The following ATP8A2 variants were observed in gnomAD, a reference collection of about 807,000 sequenced individuals.
ATP8A2 encodes ATPase phospholipid transporting 8A2.
ATP8A2 carries 100 observed loss-of-function variants against 165.6 expected under a neutral mutation model. The ratio of observed to expected loss-of-function variants is 0.60; its 90% CI spans 0.51 to 0.71. The LOEUF (loss-of-function observed/expected upper bound fraction) is 0.71, where lower values mean the gene tolerates loss of function less well. ATP8A2 is among the 30% of genes least tolerant of loss of function. The pLI is 0.00. For missense variants in ATP8A2, 1,227 were observed against 1,479.5 expected (o/e 0.83, Z 2.80); for synonymous variants, 543 against 548.8 (o/e 0.99, Z 0.15).
At chr13:25,645,011 T>A (rs573931893) in intron 24 of ATP8A2, among the ~76,000 whole-genome samples, 3 of 152,250 alleles carry the variant, frequency 2.0e-5, no homozygotes, top group African/African-American at 7.2e-5. Context: ...CAACTCTTAG[T>A]TTTGTTGATC....
chr13:25,773,326 C>A (rs1352252780), intron 26 of ATP8A2, among the ~76,000 whole-genome samples: 1 of 152,142 alleles, frequency 6.6e-6, no homozygotes, highest in Non-Finnish European at 1.5e-5. Flanking sequence ...TTGCAGCTAA[C>A]GGCACATTTA....
At chr13:25,802,683 A>G (rs1441590747) in intron 27 of ATP8A2, among the ~76,000 whole-genome samples, 1 of 152,186 alleles carries the variant, frequency 6.6e-6, no homozygotes, top group Non-Finnish European at 1.5e-5. Flanking sequence ...GCAATAGATA[A>G]GTCTGAAAAT....
At position 25,634,670 on chromosome 13, in the gene ATP8A2, A is replaced by G. The variant is rs11838393; in HGVS notation, c.2211+44971A>G. ...CCATGTATCTTAGTTTGTCTCTGCC[A>G]TTGTCTCATGCAGTTGTGTTTTGTT... On this transcript the variant is annotated intron_variant, in intron 24 of 36. Transcript: ENST00000381655. 4.5e-3 allele frequency among the ~76,000 whole-genome samples: 679 copies of G among 152,258 alleles called. 1 individual carries two copies. The highest frequency in any genetic ancestry group is 0.015 in the African/African-American group (618 of 41,570).
intron 5 of ATP8A2, 28 bp from the exon 6 acceptor site, chr13:25,533,245 A>T (rs1227581904): frequency 7.9e-7 from 1 of 1,270,604 alleles, no homozygotes; most frequent in East Asian, 2.3e-5. Context: ...ACCAGTATTA[A>T]CCAATATTTT....
At chr13:25,760,522 C>CT (rs2044360437) in intron 25 of ATP8A2, among the ~76,000 whole-genome samples, 1 of 152,088 alleles carries the variant, frequency 6.6e-6, no homozygotes. Context: ...GTGCAGTACA[C>CT]TTTAAGACAC....
intron 23 of ATP8A2, among the ~76,000 whole-genome samples, chr13:25,588,303 C>A (rs1045612756): frequency 2.8e-4 from 42 of 152,242 alleles, no homozygotes; most frequent in African/African-American, 9.6e-4. Context: ...TTCATTCCCC[C>A]AAAAACCCAC....
At chr13:25,496,398 A>G (rs2036680049) in intron 2 of ATP8A2, among the ~76,000 whole-genome samples, 1 of 152,114 alleles carries the variant, frequency 6.6e-6, no homozygotes, top group Admixed American at 6.5e-5. Context: ...TGAAATCTAC[A>G]TTGAAGAGGA....
chr13:25,763,562 C>G (rs1165723364), intron 25 of ATP8A2, among the ~76,000 whole-genome samples: 1 of 152,140 alleles, frequency 6.6e-6, no homozygotes, highest in Non-Finnish European at 1.5e-5. Context: ...GAATGCACCC[C>G]CATTCCTGCC....
intron 28 of ATP8A2, among the ~76,000 whole-genome samples, chr13:25,831,275 T>G (rs1951462400): frequency 6.8e-6 from 1 of 146,678 alleles, no homozygotes; most frequent in African/African-American, 2.5e-5. Context: ...AGTGCAGTGG[T>G]GCAATCTCAG....
intron 24 of ATP8A2, among the ~76,000 whole-genome samples, chr13:25,654,963 C>T (rs1326076842): frequency 6.6e-6 from 1 of 152,104 alleles, no homozygotes; most frequent in Non-Finnish European, 1.5e-5. Flanking sequence ...GTTAACTGCC[C>T]AGTGTACCGA....
chr13:25,593,164 T>G (rs970512584), intron 24 of ATP8A2, among the ~76,000 whole-genome samples: 1 of 152,166 alleles, frequency 6.6e-6, no homozygotes, highest in Non-Finnish European at 1.5e-5. Flanking sequence ...AAAGTAGATA[T>G]ACAGTAGAGC....
At chr13:25,759,390 G>C (rs2044333314) in intron 25 of ATP8A2, among the ~76,000 whole-genome samples, 1 of 152,136 alleles carries the variant, frequency 6.6e-6, no homozygotes, top group African/African-American at 2.4e-5. Context: ...TCACAAGTTT[G>C]CTCTGAAATG....
chr13:25,476,478 C>T (rs1046592118), intron 2 of ATP8A2, among the ~76,000 whole-genome samples: 1 of 152,012 alleles, frequency 6.6e-6, no homozygotes, highest in Non-Finnish European at 1.5e-5. Flanking sequence ...TGGTAGAGAA[C>T]GGGGTTTCAC....
chr13:25,847,731 G>A (rs997097932), intron 30 of ATP8A2, among the ~76,000 whole-genome samples: 29 of 152,138 alleles, frequency 1.9e-4, no homozygotes, highest in Non-Finnish European at 3.5e-4. Context: ...TATTCCTGAT[G>A]CACTGGCATT....
At chr13:25,985,794 T>A (rs1956270936) in intron 35 of ATP8A2, among the ~76,000 whole-genome samples, 1 of 152,142 alleles carries the variant, frequency 6.6e-6, no homozygotes, top group Non-Finnish European at 1.5e-5. Flanking sequence ...CCTGAGCCAA[T>A]CCCTACAGTC....
chr13:25,423,085 C>T (rs2034346204), intron 1 of ATP8A2, among the ~76,000 whole-genome samples: 1 of 152,178 alleles, frequency 6.6e-6, no homozygotes, highest in Admixed American at 6.5e-5. Flanking sequence ...GCTCCACCCC[C>T]ACCGTGGCAT....
At position 25,411,956 on chromosome 13, in the gene ATP8A2, A is replaced by T. The variant is rs186387638; in HGVS notation, c.76+39668A>T. Among the ~76,000 whole-genome samples the T allele has an allele frequency of 2.6e-3, 397 of 152,344 alleles. 2 individuals carry two copies. Among genetic ancestry groups the T allele is most frequent in the African/African-American group, 9.0e-3 (374 of 41,582 alleles). ...TTCTCCTCCTAAAACTATCTAAATA[A>T]AAATGCAGTTTTTGTCTTCCTGTAA... On this transcript the variant is annotated intron_variant, in intron 1 of 36. Coordinates refer to ENST00000381655, the MANE Select transcript of ATP8A2 (RefSeq NM_016529.6).
Position 25,657,670 on chromosome 13 carries a change from AAC to A in ATP8A2, c.2212-41497_2212-41496del, listed in dbSNP as rs149861812. Among the ~76,000 whole-genome samples, 1,334 of 152,364 alleles carry A rather than the reference AAC, an allele frequency of 8.8e-3. 19 individuals are homozygous for A. The highest frequency in any genetic ancestry group is 0.029 in the African/African-American group (1,214 of 41,594). On this transcript the variant is annotated intron_variant, in intron 24 of 36. Transcript: ENST00000381655. The stretch of plus-strand genomic sequence containing the variant: ...GGAAGAAAATATTTATGATCTATGT[AAC>A]ACACAAATGTTGGTGTTAAACAGAT...
At chr13:25,901,500 T>G (rs1953746016) in intron 33 of ATP8A2, among the ~76,000 whole-genome samples, 1 of 150,992 alleles carries the variant, frequency 6.6e-6, no homozygotes, top group South Asian at 2.1e-4. Flanking sequence ...ATATTATATA[T>G]TATATATACA....
Sources: allele counts gnomAD v4.1 joint callset (sites outside exome capture counted in the v4.1 genomes callset), GRCh38; gene constraint gnomAD v4.1.1; transcripts MANE v1.5; gene names NCBI Gene and HGNC (gene_info 2026-07-23, HGNC 2026-07-21).